AMZ2: variants seen among roughly 807,000 people sequenced by gnomAD.
The protein encoded by AMZ2 is archaelysin family metallopeptidase 2, also known as archaemetzincin-2.
A neutral mutation model predicts 36.7 loss-of-function variants in AMZ2; 26 were observed. The observed-to-expected ratio is 0.71, with a 90% CI of 0.52 to 0.98. The LOEUF (loss-of-function observed/expected upper bound fraction) is 0.98, where lower values mean the gene tolerates loss of function less well. Among genes scored for constraint, AMZ2 ranks in the 50% least tolerant of loss-of-function variants. The pLI is 0.00. For missense variants in AMZ2, 394 were observed against 430.5 expected (o/e 0.92, Z 0.75); for synonymous variants, 144 against 149.1 (o/e 0.97, Z 0.25).
At chr17:68,220,642 C>G (rs2073322233) in intron 1 of AMZ2, among the ~76,000 whole-genome samples, 1 of 152,112 alleles carries the variant, frequency 6.6e-6, no homozygotes, top group Non-Finnish European at 1.5e-5. Flanking sequence ...TCCAGTCCAG[C>G]AGGGGAGAAG....
chr17:68,234,607 C>G (rs55801252), intron 1 of AMZ2, among the ~76,000 whole-genome samples: 24,068 of 151,252 alleles, frequency 0.16, 2,018 homozygotes, highest in East Asian at 0.31. Flanking sequence ...CAATTCAAAA[C>G]AACAATAAAA....
At chr17:68,232,269 G>A (rs2073684198) in intron 1 of AMZ2, among the ~76,000 whole-genome samples, 1 of 152,000 alleles carries the variant, frequency 6.6e-6, no homozygotes, top group Non-Finnish European at 1.5e-5. Flanking sequence ...GGCCAAGGTT[G>A]GAGGATCACT....
upstream of AMZ2, chr17:68,247,911 G>T (rs1452686721): frequency 1.3e-5 from 13 of 985,412 alleles, no homozygotes; most frequent in African/African-American, 1.7e-5. Context: ...CTCTGCGCCT[G>T]CCCAGGCGGC....
At chr17:68,208,117 T>C (rs12950883) in intron 1 of AMZ2, among the ~76,000 whole-genome samples, 19,046 of 152,138 alleles carry the variant, frequency 0.13, 1,342 homozygotes, top group Non-Finnish European at 0.16. Flanking sequence ...GGCTCCTGTG[T>C]GGCCTGAGCC....
chr17:68,208,804 G>T (rs1180434794), intron 1 of AMZ2, among the ~76,000 whole-genome samples: 1 of 151,956 alleles, frequency 6.6e-6, no homozygotes, highest in Non-Finnish European at 1.5e-5. Context: ...CAGACACGTC[G>T]CCTTAAGAGC....
At chr17:68,215,721 AG>A (rs2073178644) in intron 1 of AMZ2, among the ~76,000 whole-genome samples, 1 of 141,944 alleles carries the variant, frequency 7.0e-6, no homozygotes, top group South Asian at 2.3e-4. Flanking sequence ...CATAGTCATC[AG>A]GATGGCTGGG....
At chr17:68,207,230 A>C (rs538309972) in intron 1 of AMZ2, 5 of 151,752 alleles carry the variant, frequency 3.3e-5, no homozygotes, top group African/African-American at 1.2e-4. Context: ...GAAATCCGTA[A>C]TGAATTTCTC....
chr17:68,253,919 AT>A (rs1181962359), intron 4 of AMZ2, among the ~76,000 whole-genome samples: 4 of 151,560 alleles, frequency 2.6e-5, no homozygotes, highest in Non-Finnish European at 4.4e-5. Flanking sequence ...TGCCTGGCTA[AT>A]TTTTTTTAGA....
intron 1 of AMZ2, among the ~76,000 whole-genome samples, chr17:68,236,664 C>T (rs1264338015): frequency 6.6e-6 from 1 of 150,940 alleles, no homozygotes; most frequent in East Asian, 1.9e-4. Flanking sequence ...CTCTGTCTCC[C>T]AGGCTCAGGT....
Position 68,209,600 on chromosome 17 carries a change from GTGTGTATATGTATATATATA to G in AMZ2, c.-67+3364_-67+3383del, listed in dbSNP as rs1306988351. 2.5e-3 allele frequency among the ~76,000 whole-genome samples: 299 copies of G among 121,028 alleles called. 12 individuals carry two copies. Among genetic ancestry groups the G allele is most frequent in the East Asian group, 0.01 (37 of 3,644 alleles). 79.4% of individuals were successfully genotyped at this position (121,028 alleles called of 152,430 possible). A position where few individuals can be genotyped will look rare whatever the true frequency, so the allele number is the denominator to read the frequency against. On this transcript the variant is annotated intron_variant, in intron 1 of 7. Transcript: ENST00000674770. ...ATTGTGGGTGTGTGTGTGTGTGTGTGTGTGTATATGTATATATATATATATATATATATTTTTTTTTTTTT... is the reference window on the plus strand; with the variant it reads ...ATTGTGGGTGTGTGTGTGTGTGTGTGTATATATATATATTTTTTTTTTTTT...
intron 1 of AMZ2, among the ~76,000 whole-genome samples, chr17:68,223,861 G>A (rs1370165360): frequency 8.0e-5 from 12 of 150,082 alleles, no homozygotes; most frequent in African/African-American, 1.5e-4. Context: ...GATTACAGGC[G>A]TGCACCACCA....
intron 1 of AMZ2, among the ~76,000 whole-genome samples, chr17:68,217,329 A>G (rs1185949439): frequency 6.6e-6 from 1 of 152,234 alleles, no homozygotes; most frequent in Non-Finnish European, 1.5e-5. Flanking sequence ...TATATTTGTC[A>G]ATAAAACTGT....
At chr17:68,209,987 C>T (rs2072992991) in intron 1 of AMZ2, among the ~76,000 whole-genome samples, 1 of 151,802 alleles carries the variant, frequency 6.6e-6, no homozygotes, top group Non-Finnish European at 1.5e-5. Context: ...CAATGAGATA[C>T]CACTTCACAT....
Position 68,250,378 on chromosome 17 carries a change from C to G in AMZ2, c.191C>G (p.Pro64Arg). ...HSPSDWITSH[P>R]EAPQDFEQFF... is the part of the protein sequence containing the mutation. ...CCATCAGATTGGATCACCTCCCACC[C>G]TGAGGCTCCCCAAGACTTTGAACAG... Residue 64 changes from proline to arginine, a missense_variant, in exon 2 of 7, where the codon CCT (proline) becomes CGT (arginine). By Grantham distance (103) the Pro-to-Arg change is moderately radical. Coordinates refer to ENST00000359904, the MANE Select transcript of AMZ2 (RefSeq NM_016627.5). 6.2e-7 allele frequency: 1 copy of G among 1,614,198 alleles called. No homozygotes were observed. Among genetic ancestry groups the G allele is most frequent in the Non-Finnish European group, 8.5e-7 (1 of 1,180,044 alleles).
At chr17:68,249,148 C>G (rs1335606221) in intron 1 of AMZ2, 4 of 1,142,160 alleles carry the variant, frequency 3.5e-6, no homozygotes. Flanking sequence ...TGTGACATGA[C>G]TTTGAGGCCA....
intron 1 of AMZ2, among the ~76,000 whole-genome samples, chr17:68,242,389 A>AAG (rs34072515): frequency 0.22 from 33,174 of 152,086 alleles, 4,076 homozygotes; most frequent in East Asian, 0.4. Context: ...GGGACAGAGA[A>AAG]AAATCAAAAC....
At chr17:68,210,961 G>T (rs868945419) in intron 1 of AMZ2, among the ~76,000 whole-genome samples, 2 of 145,144 alleles carry the variant, frequency 1.4e-5, no homozygotes, top group Admixed American at 6.9e-5. Flanking sequence ...AAAAAAAGGG[G>T]GGGGGGGAGG....
chr17:68,227,681 G>A (rs3960362), intron 1 of AMZ2, among the ~76,000 whole-genome samples: 53,895 of 151,874 alleles, frequency 0.35, 10,672 homozygotes, highest in African/African-American at 0.54. Context: ...CGGTGTGTCT[G>A]ATATCCCTCT....
At chr17:68,210,220 T>C (rs1555725586) in intron 1 of AMZ2, among the ~76,000 whole-genome samples, 1 of 152,202 alleles carries the variant, frequency 6.6e-6, no homozygotes, top group Non-Finnish European at 1.5e-5. Context: ...CAAATGGTCA[T>C]GCAAAAACGT....
Sources: gnomAD v4.1 joint callset for allele counts (sites outside exome capture counted in the v4.1 genomes callset) on GRCh38, gnomAD v4.1.1 for gene constraint, MANE v1.5 for transcripts, NCBI Gene and HGNC (gene_info 2026-07-23, HGNC 2026-07-21) for gene names.